The following GABRB1 variants were observed in gnomAD, a reference collection of about 807,000 sequenced individuals.
The protein encoded by GABRB1 is gamma-aminobutyric acid receptor subunit beta-1.
A neutral mutation model predicts 51.6 loss-of-function variants in GABRB1; 17 were observed. The ratio of observed to expected loss-of-function variants is 0.33; its 90% CI spans 0.23 to 0.49. The LOEUF is 0.49. Ranked by LOEUF, GABRB1 falls within the 20% of genes least tolerant of loss-of-function variation. The pLI is 0.99. For missense variants in GABRB1, 410 were observed against 600.6 expected (o/e 0.68, Z 3.32); for synonymous variants, 247 against 218.9 (o/e 1.13, Z -1.14).
intron 4 of GABRB1, among the ~76,000 whole-genome samples, chr4:47,283,242 A>T (rs958550937): frequency 1.3e-5 from 2 of 149,188 alleles, no homozygotes; most frequent in Admixed American, 6.7e-5. Flanking sequence ...ACAATTGAGG[A>T]TTCTGTTTCA....
chr4:47,057,914 T>C (rs1011987109), intron 3 of GABRB1, among the ~76,000 whole-genome samples: 1 of 152,156 alleles, frequency 6.6e-6, no homozygotes, highest in African/African-American at 2.4e-5. Flanking sequence ...TGTGGTAAAG[T>C]ATGTTCCTGA....
At chr4:47,033,564 A>C (rs1371724575) in intron 3 of GABRB1, among the ~76,000 whole-genome samples, 2 of 152,266 alleles carry the variant, frequency 1.3e-5, no homozygotes, top group East Asian at 3.9e-4. Flanking sequence ...GAGTAAAACC[A>C]TTTGAGATTG....
chr4:47,322,266 G>A (rs1346260367), intron 5 of GABRB1, among the ~76,000 whole-genome samples: 1 of 152,096 alleles, frequency 6.6e-6, no homozygotes, highest in East Asian at 1.9e-4. Flanking sequence ...ACATATAGAT[G>A]AACACAGTAA....
chr4:47,390,624 C>T (rs1727951932), intron 5 of GABRB1, among the ~76,000 whole-genome samples: 1 of 152,104 alleles, frequency 6.6e-6, no homozygotes, highest in Admixed American at 6.5e-5. Context: ...TCAAGAGTTC[C>T]TGTATAGTTA....
intron 3 of GABRB1, among the ~76,000 whole-genome samples, chr4:47,078,479 A>G (rs1727670894): frequency 6.6e-6 from 1 of 152,112 alleles, no homozygotes; most frequent in Admixed American, 6.6e-5. Context: ...CTTAATTTAA[A>G]TTATTTCTAA....
intron 1 of GABRB1, 78 bp downstream of exon 1, chr4:47,031,809 C>A: frequency 6.7e-7 from 1 of 1,496,240 alleles, no homozygotes; most frequent in Non-Finnish European, 9.3e-7. Context: ...TACGTGTCTG[C>A]TGGATCATGT....
chr4:47,015,666 T>C (rs1426602738), intron 1 of GABRB1, among the ~76,000 whole-genome samples: 1 of 152,196 alleles, frequency 6.6e-6, no homozygotes, highest in Non-Finnish European at 1.5e-5. Flanking sequence ...TTGCCAACAA[T>C]TGCTTACCAT....
intron 3 of GABRB1, among the ~76,000 whole-genome samples, chr4:47,134,099 A>G (rs1716537831): frequency 6.6e-6 from 1 of 152,180 alleles, no homozygotes; most frequent in African/African-American, 2.4e-5. Flanking sequence ...TTGTATATGC[A>G]TTGCTATTTA....
intron 3 of GABRB1, among the ~76,000 whole-genome samples, chr4:47,070,773 C>G (rs965219356): frequency 1.3e-5 from 2 of 151,978 alleles, no homozygotes; most frequent in African/African-American, 4.8e-5. Context: ...TGAGCTATCC[C>G]AGGTTTCATT....
At chr4:47,177,147 C>T (rs1279892186) in intron 4 of GABRB1, among the ~76,000 whole-genome samples, 1 of 152,024 alleles carries the variant, frequency 6.6e-6, no homozygotes, top group Non-Finnish European at 1.5e-5. Context: ...GAGAACACAA[C>T]TGAAATGGCA....
intron 1 of GABRB1, among the ~76,000 whole-genome samples, chr4:47,007,386 A>T (rs1286494951): frequency 1.3e-5 from 2 of 152,206 alleles, no homozygotes; most frequent in East Asian, 3.9e-4. Context: ...GAACACATTG[A>T]CAAAACTAAG....
At chr4:47,270,434 G>T (rs746123680) in intron 4 of GABRB1, among the ~76,000 whole-genome samples, 7 of 152,264 alleles carry the variant, frequency 4.6e-5, no homozygotes, top group Non-Finnish European at 8.8e-5. Flanking sequence ...GCACAGCAAG[G>T]TCAGCCCAGT....
intron 3 of GABRB1, among the ~76,000 whole-genome samples, chr4:47,036,065 G>A (rs1560505098): frequency 6.6e-6 from 1 of 152,112 alleles, no homozygotes; most frequent in African/African-American, 2.4e-5. Flanking sequence ...TTCCCAATAT[G>A]AGATAGCTAT....
intron 4 of GABRB1, among the ~76,000 whole-genome samples, chr4:47,257,605 T>G (rs1012707474): frequency 1.3e-5 from 2 of 151,916 alleles, no homozygotes; most frequent in Non-Finnish European, 2.9e-5. Context: ...AAGTGTCTTC[T>G]CTACTTTATT....
At chr4:47,098,911 A>G (rs929552000) in intron 3 of GABRB1, among the ~76,000 whole-genome samples, 3 of 152,098 alleles carry the variant, frequency 2.0e-5, no homozygotes, top group African/African-American at 7.2e-5. Context: ...ACACTTTAGG[A>G]ACACTTTAGA....
At chr4:47,220,699 C>T (rs2109823033) in intron 4 of GABRB1, among the ~76,000 whole-genome samples, 1 of 152,120 alleles carries the variant, frequency 6.6e-6, no homozygotes, top group Admixed American at 6.6e-5. Context: ...CTGCACACTT[C>T]TATCTCTCAC....
chr4:47,356,191 T>G (rs1389898016), intron 5 of GABRB1, among the ~76,000 whole-genome samples: 2 of 152,206 alleles, frequency 1.3e-5, no homozygotes, highest in Admixed American at 6.5e-5. Flanking sequence ...ATCGTGTTTG[T>G]ATTTCTCATC....
chr4:47,352,909 T>C (rs1445185307), intron 5 of GABRB1, among the ~76,000 whole-genome samples: 1 of 152,200 alleles, frequency 6.6e-6, no homozygotes, highest in Non-Finnish European at 1.5e-5. Context: ...AAGCAAAAAC[T>C]ATGTATTAGT....
chr4:47,028,313 T>A (rs1176111912), upstream of GABRB1, among the ~76,000 whole-genome samples: 1 of 151,780 alleles, frequency 6.6e-6, no homozygotes, highest in Non-Finnish European at 1.5e-5. Flanking sequence ...CACTTATCCT[T>A]GAAATTACAA....
Sources: allele counts gnomAD v4.1 joint callset (sites outside exome capture counted in the v4.1 genomes callset), GRCh38; gene constraint gnomAD v4.1.1; transcripts MANE v1.5; gene names NCBI Gene and HGNC (gene_info 2026-07-23, HGNC 2026-07-21).